Variants in CTSO observed in about 807,000 individuals in gnomAD.
The protein encoded by CTSO is cathepsin O.
A neutral mutation model predicts 42.4 loss-of-function variants in CTSO; 40 were observed. The ratio of observed to expected loss-of-function variants is 0.94; its 90% CI spans 0.73 to 1.23. The LOEUF is 1.23. Among genes scored for constraint, CTSO ranks in the 50% most tolerant of loss-of-function variants. The probability of loss-of-function intolerance (pLI) is 0.00; values close to 1 mark genes in which losing one functional copy is unlikely to be tolerated. For missense variants in CTSO, 441 were observed against 396.0 expected (o/e 1.11, Z -0.96); for synonymous variants, 156 against 146.2 (o/e 1.07, Z -0.48).
chr4:155,930,472 T>G (rs1010685763), intron 5 of CTSO, among the ~76,000 whole-genome samples: 8 of 152,222 alleles, frequency 5.3e-5, no homozygotes, highest in African/African-American at 1.9e-4. Context: ...TAAAGTCTCA[T>G]ATTATACAAC....
intron 1 of CTSO, among the ~76,000 whole-genome samples, chr4:155,947,149 T>C (rs1743563523): frequency 6.6e-6 from 1 of 152,208 alleles, no homozygotes; most frequent in African/African-American, 2.4e-5. Context: ...CATGAGCCAC[T>C]GCGCCTGGCC....
At chr4:155,940,927 TAAA>T (rs34103300) in intron 3 of CTSO, among the ~76,000 whole-genome samples, 6 of 146,298 alleles carry the variant, frequency 4.1e-5, no homozygotes, top group African/African-American at 1.0e-4. Context: ...AGTTCCTGCT[TAAA>T]AAAAAAAAAA....
At chr4:155,928,710 A>G (rs1439781193) in intron 6 of CTSO, among the ~76,000 whole-genome samples, 1 of 152,202 alleles carries the variant, frequency 6.6e-6, no homozygotes, top group Non-Finnish European at 1.5e-5. Flanking sequence ...AGGAATCAGA[A>G]AAAGAAAAAA....
chr4:155,931,927 G>T (rs189625193), intron 5 of CTSO, among the ~76,000 whole-genome samples: 1 of 151,792 alleles, frequency 6.6e-6, no homozygotes, highest in South Asian at 2.1e-4. Context: ...AAGATGCGGC[G>T]ATGAAGGCAA....
chr4:155,937,261 A>G (rs1010696864), intron 5 of CTSO, 101 bp downstream of exon 5: 1 of 837,392 alleles, frequency 1.2e-6, no homozygotes, highest in East Asian at 2.6e-5. Flanking sequence ...TTTTACAAGG[A>G]TTAAGAGTAT....
intron 1 of CTSO, among the ~76,000 whole-genome samples, chr4:155,952,933 TAGTG>T (rs1460372461): frequency 2.0e-5 from 3 of 152,182 alleles, no homozygotes; most frequent in Admixed American, 2.0e-4. Context: ...ATCTAGAACA[TAGTG>T]AGGCGAACAC....
Position 155,929,542 on chromosome 4 carries a change from C to A in CTSO, c.838G>T (p.Gly280Ter). 1 of 1,611,448 alleles carries A rather than the reference C, an allele frequency of 6.2e-7. No homozygotes were observed. Among genetic ancestry groups the A allele is most frequent in the Non-Finnish European group, 8.5e-7 (1 of 1,178,942 alleles). The change falls in exon 6 of 8, where the codon GGA becomes TGA. Residue 280 changes from glycine (G) to a stop codon, truncating the protein, a stop_gained and splice_region_variant. Transcript: ENST00000433477. LOFTEE classifies it high-confidence loss of function. Reference protein sequence around the residue: ...AVLITGFDKTGSTPYWIVRNS... With the variant: ...AVLITGFDKT ...TCAACTGAGTCTTATCAGCACTTAC[C>A]TGTTTTATCAAACCCAGTTATGAGA... is the stretch of plus-strand genomic sequence containing the variant.
chr4:155,937,008 T>C (rs574500987), intron 5 of CTSO, among the ~76,000 whole-genome samples: 1 of 152,176 alleles, frequency 6.6e-6, no homozygotes, highest in Non-Finnish European at 1.5e-5. Context: ...CTAATGGTAA[T>C]ATAACACCTA....
At chr4:155,928,229 CA>C in intron 7 of CTSO, 106 bp downstream of exon 7, 1 of 683,694 alleles carries the variant, frequency 1.5e-6, no homozygotes, top group Non-Finnish European at 2.2e-6. Context: ...GGTTAAAGGA[CA>C]AAAATTATTA....
intron 1 of CTSO, among the ~76,000 whole-genome samples, chr4:155,946,270 C>A (rs1432108991): frequency 1.3e-5 from 2 of 152,164 alleles, no homozygotes; most frequent in Non-Finnish European, 2.9e-5. Context: ...CCATGTACTT[C>A]TCTTAATTTT....
chr4:155,940,175 A>G (rs1743403330), intron 3 of CTSO, among the ~76,000 whole-genome samples: 1 of 152,210 alleles, frequency 6.6e-6, no homozygotes, highest in Non-Finnish European at 1.5e-5. Flanking sequence ...GCTGCCAATC[A>G]TGCTGATAGT....
At position 155,953,794 on chromosome 4, in the gene CTSO, C is replaced by T; in HGVS notation, c.54G>A (p.Arg18=). The T allele has an allele frequency of 7.4e-7, 1 of 1,350,788 alleles. No individual in the cohort carries two copies. Among genetic ancestry groups the T allele is most frequent in the Non-Finnish European group, 9.5e-7 (1 of 1,047,828 alleles). 83.7% of individuals were successfully genotyped at this position (1,350,788 alleles called of 1,614,324 possible). The change falls in exon 1 of 8, where the codon CGG becomes CGA. Residue 18 remains arginine, a synonymous_variant. Coordinates refer to ENST00000433477, the MANE Select transcript of CTSO (RefSeq NM_001334.3). ...WLPWLLWLLC[R]GGGDADSRAP... The stretch of plus-strand genomic sequence containing the variant: ...CGCGGGAGTCCGCATCGCCGCCGCC[C>T]CGGCACAGCAGCCACAGCAGCCACG...
At chr4:155,941,602 T>C (rs1026820976) in intron 3 of CTSO, among the ~76,000 whole-genome samples, 3 of 152,244 alleles carry the variant, frequency 2.0e-5, no homozygotes, top group Admixed American at 6.5e-5. Flanking sequence ...ACTGTGTCTA[T>C]TAGTTTTCTG....
At chr4:155,944,122 T>C (rs1463490911) in intron 1 of CTSO, among the ~76,000 whole-genome samples, 1 of 152,196 alleles carries the variant, frequency 6.6e-6, no homozygotes, top group Non-Finnish European at 1.5e-5. Context: ...TTATTCCTTA[T>C]GGTGAGACAC....
In CTSO at chr4:155,926,072, T is replaced by A; in HGVS notation, c.932-2A>T. 1 of 1,488,478 alleles carries A rather than the reference T, an allele frequency of 6.7e-7. No homozygotes were observed. The highest frequency in any genetic ancestry group is 9.0e-7 in the Non-Finnish European group (1 of 1,109,942). The allele number at this position is 1,488,478 out of a possible 1,614,324, so 92.2% of individuals were successfully genotyped here. A position where few individuals can be genotyped will look rare whatever the true frequency, so the allele number is the denominator to read the frequency against. On this transcript the variant is annotated splice_acceptor_variant, in intron 7 of 7. Transcript: ENST00000433477. LOFTEE classifies it high-confidence loss of function. ...TAGAAGAAACGGAATCTGCAATACC[T>A]AAGGGAAAAAAAAGGAATTATTAGT...
intron 7 of CTSO, among the ~76,000 whole-genome samples, chr4:155,926,375 A>G (rs557566619): frequency 5.3e-5 from 8 of 152,252 alleles, no homozygotes; most frequent in Non-Finnish European, 1.0e-4. Context: ...GCTGTATTAA[A>G]CTAATACATT....
rs1240089502 is a variant in CTSO, at chr4:155,942,401, A to G, written c.300T>C (p.His100=). The change falls in exon 3 of 8, where the codon CAT becomes CAC. Residue 100 remains histidine, a synonymous_variant. Coordinates refer to ENST00000433477, the MANE Select transcript of CTSO (RefSeq NM_001334.3). The stretch of plus-strand genomic sequence containing the variant: ...GCAAAGACACATTGGGGATGGACAT[A>G]TGTACTTCTGCTGAGTATCTGGGAA... ...SKFPRYSAEV[H]MSIPNVSLPL... 3.8e-6 allele frequency: 6 copies of G among 1,596,852 alleles called. No individual in the cohort carries two copies. The highest frequency in any genetic ancestry group is 5.1e-6 in the Non-Finnish European group (6 of 1,172,560).
At chr4:155,953,676 A>G in intron 1 of CTSO, 37 bp downstream of exon 1, 1 of 1,252,610 alleles carries the variant, frequency 8.0e-7, no homozygotes. Flanking sequence ...GAAGTGAGGG[A>G]GCAGGGACAG....
chr4:155,943,041 C>G (rs552071241), intron 2 of CTSO, 115 bp downstream of exon 2: 11 of 673,382 alleles, frequency 1.6e-5, no homozygotes, highest in African/African-American at 1.3e-4. Flanking sequence ...TTAGTAGACA[C>G]TTAATAAATG....
Sources: gnomAD v4.1 joint callset for allele counts (sites outside exome capture counted in the v4.1 genomes callset) on GRCh38, gnomAD v4.1.1 for gene constraint, MANE v1.5 for transcripts, NCBI Gene and HGNC (gene_info 2026-07-23, HGNC 2026-07-21) for gene names.